CNBD1: variants seen among roughly 807,000 people sequenced by gnomAD.
CNBD1 encodes the protein cyclic nucleotide binding domain containing 1.
A neutral mutation model predicts 54.4 loss-of-function variants in CNBD1; 71 were observed. The ratio of observed to expected loss-of-function variants is 1.30; its 90% confidence interval spans 1.08 to 1.59. CNBD1 has a LOEUF of 1.59. Among genes scored for constraint, CNBD1 ranks in the 40% most tolerant of loss-of-function variants. The pLI, the probability that CNBD1 is intolerant of heterozygous loss-of-function variation, is 0.00. For synonymous variants in CNBD1, 182 were observed against 170.7 expected (o/e 1.07, Z -0.51); for missense variants, 659 against 518.0 (o/e 1.27, Z -2.64).
intron 10 of CNBD1, among the ~76,000 whole-genome samples, chr8:87,354,201 G>A (rs998408068): frequency 9.9e-5 from 15 of 152,068 alleles, no homozygotes; most frequent in Admixed American, 9.2e-4. Flanking sequence ...CTCATTCTCT[G>A]TGTGAGTCCT....
chr8:87,214,745 A>T (rs1253196223), intron 5 of CNBD1, among the ~76,000 whole-genome samples: 1 of 152,196 alleles, frequency 6.6e-6, no homozygotes, highest in African/African-American at 2.4e-5. Context: ...CACATCACAC[A>T]TGGCAGCAGG....
chr8:87,424,198 CTATT>C (rs1808001609), intron 2 of CNBD1, among the ~76,000 whole-genome samples: 1 of 151,980 alleles, frequency 6.6e-6, no homozygotes, highest in Non-Finnish European at 1.5e-5. Context: ...AGCGGTCTAT[CTATT>C]TTGTTGATCC....
In CNBD1 at chr8:87,228,965, G is replaced by T. The variant is rs186746120; in HGVS notation, c.578-7954G>T. ...TGGTGCGCCGTTTTTTAAGCCCGTC[G>T]GAAAAGCGCGGTATTCGGGTGGGAG... On this transcript the variant is annotated intron_variant, in intron 5 of 10. Transcript: ENST00000518476. 8.0e-3 allele frequency among the ~76,000 whole-genome samples: 1,216 copies of T among 152,278 alleles called. 15 individuals carry two copies. Among genetic ancestry groups the T allele is most frequent in the African/African-American group, 0.028 (1,163 of 41,550 alleles).
intron 6 of CNBD1, among the ~76,000 whole-genome samples, chr8:87,269,807 T>A (rs760154177): frequency 6.6e-6 from 1 of 152,036 alleles, no homozygotes; most frequent in Non-Finnish European, 1.5e-5. Flanking sequence ...CTGGACCAGA[T>A]GGATTCATAA....
intron 8 of CNBD1, among the ~76,000 whole-genome samples, chr8:87,294,499 G>A (rs1021973375): frequency 1.3e-5 from 2 of 152,094 alleles, no homozygotes; most frequent in African/African-American, 4.8e-5. Flanking sequence ...CACATTTCCT[G>A]GATTTCTCAC....
rs146965287 is a variant in CNBD1 at position 87,039,555 on chromosome 8, T to TA, written c.431+99809dup. Among the ~76,000 whole-genome samples the TA allele has an allele frequency of 6.6e-3, 1,002 of 152,108 alleles. 9 individuals carry two copies. The highest frequency in any genetic ancestry group is 0.022 in the African/African-American group (912 of 41,490). On this transcript the variant is annotated intron_variant, in intron 4 of 10. Transcript: ENST00000518476. Reference sequence around the variant, plus strand: ...ATTTCTCACTTCCAGTTTCTTTTGTTAAAAAAAATGTATGTGTAGCCACCC... The same window carrying TA: ...ATTTCTCACTTCCAGTTTCTTTTGTTAAAAAAAAATGTATGTGTAGCCACCC...
chr8:87,399,531 G>C (rs952654647), intron 2 of CNBD1, among the ~76,000 whole-genome samples: 1 of 152,014 alleles, frequency 6.6e-6, no homozygotes, highest in Non-Finnish European at 1.5e-5. Flanking sequence ...AGCACTTACA[G>C]TCTGAGTTAT....
chr8:87,146,802 C>T (rs536786688), intron 4 of CNBD1, among the ~76,000 whole-genome samples: 7 of 152,258 alleles, frequency 4.6e-5, no homozygotes, highest in African/African-American at 1.7e-4. Context: ...TCACCTAGCT[C>T]ACTGTAATAA....
chr8:87,328,273 T>A (rs924632143), intron 8 of CNBD1, among the ~76,000 whole-genome samples: 2 of 152,088 alleles, frequency 1.3e-5, no homozygotes, highest in Non-Finnish European at 1.5e-5. Flanking sequence ...CTTGTCAAGA[T>A]CAGTTGACAA....
intron 4 of CNBD1, among the ~76,000 whole-genome samples, chr8:87,027,231 T>G (rs1586207253): frequency 6.6e-6 from 1 of 152,020 alleles, no homozygotes; most frequent in Non-Finnish European, 1.5e-5. Context: ...TGAACCAACA[T>G]TTTGGGTAAA....
chr8:87,012,328 T>C (rs1354973417), intron 4 of CNBD1, among the ~76,000 whole-genome samples: 1 of 152,226 alleles, frequency 6.6e-6, no homozygotes, highest in East Asian at 1.9e-4. Context: ...CTAAGAGGTC[T>C]AGGGAGTCAT....
chr8:87,327,328 C>T (rs1240506473), intron 8 of CNBD1, among the ~76,000 whole-genome samples: 1 of 150,118 alleles, frequency 6.7e-6, no homozygotes, highest in African/African-American at 2.5e-5. Flanking sequence ...GTGGTGGGCT[C>T]CACCCAGTTC....
At chr8:86,946,916 A>C (rs558205127) in intron 4 of CNBD1, among the ~76,000 whole-genome samples, 1 of 152,312 alleles carries the variant, frequency 6.6e-6, no homozygotes, top group African/African-American at 2.4e-5. Flanking sequence ...TTAGTTTCAC[A>C]TACATGCAAT....
rs1404442288 is a variant in CNBD1 at position 87,206,028 on chromosome 8, T to C, written c.467T>C (p.Val156Ala). The C allele has an allele frequency of 6.3e-7, 1 of 1,596,070 alleles. No homozygotes were observed. The highest frequency in any genetic ancestry group is 8.5e-7 in the Non-Finnish European group (1 of 1,171,526). Residue 156 changes from valine (V) to alanine (A), a missense_variant, in exon 5 of 11, where the codon GTG becomes GCG. Transcript: ENST00000518476. ...AGGACGCCATATGAACACAAAACTGTGTGGAAGTTCCTGAAAACAATTCCA... is the reference window on the plus strand; with the variant it reads ...AGGACGCCATATGAACACAAAACTGCGTGGAAGTTCCTGAAAACAATTCCA... The part of the protein sequence containing the change: ...IHRTPYEHKT[V>A]WKFLKTIPDL...
At chr8:87,268,228 A>G (rs1808299943) in intron 6 of CNBD1, among the ~76,000 whole-genome samples, 1 of 152,048 alleles carries the variant, frequency 6.6e-6, no homozygotes, top group African/African-American at 2.4e-5. Context: ...TTCTTCATTA[A>G]TTTACTTAGA....
chr8:87,293,139 A>AT (rs1280398455), intron 8 of CNBD1, among the ~76,000 whole-genome samples: 1 of 152,182 alleles, frequency 6.6e-6, no homozygotes, highest in Admixed American at 6.6e-5. Flanking sequence ...TCAAAAATAA[A>AT]TTTTTTTCAT....
intron 4 of CNBD1, among the ~76,000 whole-genome samples, chr8:87,198,298 A>G (rs1813763975): frequency 6.6e-6 from 1 of 152,178 alleles, no homozygotes; most frequent in African/African-American, 2.4e-5. Context: ...AGAGCATACC[A>G]CAATGTGACT....
intron 4 of CNBD1, among the ~76,000 whole-genome samples, chr8:87,002,980 A>C (rs1018249426): frequency 1.3e-5 from 2 of 152,212 alleles, no homozygotes; most frequent in African/African-American, 4.8e-5. Context: ...AGATGATAAG[A>C]AAATTATACT....
chr8:87,155,632 G>T (rs777871362), intron 4 of CNBD1, among the ~76,000 whole-genome samples: 1 of 152,162 alleles, frequency 6.6e-6, no homozygotes, highest in Non-Finnish European at 1.5e-5. Context: ...AATTTTGGTG[G>T]AAATGAAAAA....
Sources: gnomAD v4.1 joint callset for allele counts (sites outside exome capture counted in the v4.1 genomes callset) on GRCh38, gnomAD v4.1.1 for gene constraint, MANE v1.5 for transcripts, NCBI Gene and HGNC (gene_info 2026-07-23, HGNC 2026-07-21) for gene names.